MAN2A1: variants seen among roughly 807,000 people sequenced by gnomAD.
MAN2A1 encodes mannosidase alpha class 2A member 1, also known as alpha-mannosidase 2.
In MAN2A1, 76 loss-of-function variants were observed where a neutral mutation model predicts 142.6. That is an observed-to-expected ratio of 0.53 (90% CI 0.44 to 0.65). The LOEUF (loss-of-function observed/expected upper bound fraction) is 0.65, where lower values mean the gene tolerates loss of function less well. Ranked by LOEUF, MAN2A1 falls within the 30% of genes least tolerant of loss-of-function variation. The pLI is 0.00. For missense variants in MAN2A1, 1,311 were observed against 1,365.1 expected, an observed-to-expected ratio of 0.96 and a Z score of 0.62; for synonymous variants, 559 against 473.2, an observed-to-expected ratio of 1.18 and a Z score of -2.35.
chr5:109,788,057 A>G (rs1000001277), intron 10 of MAN2A1, among the ~76,000 whole-genome samples: 3 of 151,792 alleles, frequency 2.0e-5, no homozygotes, highest in Non-Finnish European at 2.9e-5. Context: ...TTGCATGACA[A>G]CAAAAATGTC....
chr5:109,767,372 A>C (rs143871377), intron 5 of MAN2A1, among the ~76,000 whole-genome samples, 163 bp from the exon 6 acceptor site: 5 of 152,164 alleles, frequency 3.3e-5, no homozygotes. Flanking sequence ...TCCTCCCTTC[A>C]TGATATCTTG....
In MAN2A1 at chr5:109,867,104, A is replaced by G. The variant is rs1417774387; in HGVS notation, c.*106A>G. On this transcript the variant is annotated 3_prime_UTR_variant, in exon 22 of 22. Transcript: ENST00000261483. ...TTTAGCTTCTGGCTACTGTGAGAAC[A>G]TGAATTCTGTGATTCTGTGGGTTTT... 5.2e-6 allele frequency: 4 copies of G among 766,942 alleles called. No individual in the cohort carries two copies. The African/African-American group carries it at 7.3e-5, about 14-fold the overall frequency. The allele number at this position is 766,942 out of a possible 1,614,324, so 47.5% of individuals were successfully genotyped here. A position where few individuals can be genotyped will look rare whatever the true frequency, so the allele number is the denominator to read the frequency against.
chr5:109,865,157 A>G lies in MAN2A1; in HGVS notation c.3282+11A>G, dbSNP rs1178735260. ...ACTACTCAGGGAAAGGTAAGTTGAA[A>G]AGGTTATTTTTGCTTACTGTTAGTG... On this transcript the variant is annotated intron_variant, in intron 21 of 21. Coordinates refer to ENST00000261483, the MANE Select transcript of MAN2A1 (RefSeq NM_002372.4). 4 of 1,596,660 alleles carry G rather than the reference A, an allele frequency of 2.5e-6. No homozygotes were observed. The highest frequency in any genetic ancestry group is 3.4e-6 in the Non-Finnish European group (4 of 1,164,270).
At chr5:109,784,687 T>A in intron 9 of MAN2A1, 57 bp from the exon 10 acceptor site, 1 of 1,361,566 alleles carries the variant, frequency 7.3e-7, no homozygotes, top group Admixed American at 2.6e-5. Context: ...TCACAAGTTT[T>A]AGATTATAAG....
chr5:109,823,806 T>G lies in MAN2A1; in HGVS notation c.2535T>G (p.Val845=), dbSNP rs1371168575. Residue 845 remains valine (V), a synonymous_variant, in exon 16 of 22, where the codon GTT becomes GTG. Transcript: ENST00000261483. The part of the protein sequence containing the change: ...YSEVTCFFDH[V]THRVRLYHIQ... ...AAGTGACTTGCTTTTTTGACCATGT[T>G]ACTCATAGAGTCCGACTATACCACA... 5 of 1,602,874 alleles carry G rather than the reference T, an allele frequency of 3.1e-6. No homozygotes were observed. Among genetic ancestry groups the G allele is most frequent in the Non-Finnish European group, 4.3e-6 (5 of 1,173,996 alleles).
intron 1 of MAN2A1, among the ~76,000 whole-genome samples, chr5:109,702,038 C>G (rs900169867): frequency 6.6e-6 from 1 of 152,136 alleles, no homozygotes; most frequent in Non-Finnish European, 1.5e-5. Flanking sequence ...GGGGACTGTG[C>G]TTAGTGAGGG....
chr5:109,751,527 G>T (rs1752547885), intron 4 of MAN2A1, among the ~76,000 whole-genome samples: 1 of 151,392 alleles, frequency 6.6e-6, no homozygotes, highest in South Asian at 2.1e-4. Flanking sequence ...GTTTTTCCCA[G>T]TAGTGGGATG....
intron 4 of MAN2A1, among the ~76,000 whole-genome samples, chr5:109,753,915 C>CT (rs112976223): frequency 0.023 from 3,306 of 144,208 alleles, 39 homozygotes; most frequent in African/African-American, 0.026. Flanking sequence ...TTTTCTTTTT[C>CT]TTTTTTTTTT....
intron 1 of MAN2A1, chr5:109,699,476 C>A (rs1404001831): frequency 6.6e-6 from 1 of 152,068 alleles, no homozygotes; most frequent in Non-Finnish European, 1.5e-5. Context: ...TAAGTGTTCT[C>A]ACCACAAAAA....
chr5:109,851,050 G>C (rs952631794), intron 19 of MAN2A1, among the ~76,000 whole-genome samples: 10 of 152,144 alleles, frequency 6.6e-5, no homozygotes, highest in African/African-American at 2.4e-4. Flanking sequence ...AGTGAAGTAG[G>C]GGGATACTCC....
At chr5:109,857,822 A>G (rs868049133) in intron 20 of MAN2A1, among the ~76,000 whole-genome samples, 32 of 152,186 alleles carry the variant, frequency 2.1e-4, no homozygotes, top group African/African-American at 7.5e-4. Flanking sequence ...TACTGCAGCC[A>G]CCTGGCTTCC....
At chr5:109,804,528 T>C (rs1288834557) in intron 12 of MAN2A1, among the ~76,000 whole-genome samples, 3 of 152,116 alleles carry the variant, frequency 2.0e-5, no homozygotes, top group Non-Finnish European at 2.9e-5. Flanking sequence ...TGTGACATTG[T>C]GTTTGCATTC....
chr5:109,840,662 A>G, intron 16 of MAN2A1: 1 of 451,874 alleles, frequency 2.2e-6, no homozygotes, highest in South Asian at 1.7e-5. Context: ...TTCAGGTTCT[A>G]CAGCAACCTT....
At position 109,867,138 on chromosome 5, in the gene MAN2A1, T is replaced by C; in HGVS notation, c.*140T>C. ...GTGATTCTGTGGGTTTTTTCTTTTT[T>C]CTTTTACCAGTACAGTAAGAAAAAA... On this transcript the variant is annotated 3_prime_UTR_variant, in exon 22 of 22. Transcript: ENST00000261483. 2 of 458,978 alleles carry C rather than the reference T, an allele frequency of 4.4e-6. No individual in the cohort carries two copies. Among genetic ancestry groups the C allele is most frequent in the Non-Finnish European group, 3.8e-6 (1 of 261,254 alleles). 28.4% of individuals were successfully genotyped at this position (458,978 alleles called of 1,614,324 possible).
intron 3 of MAN2A1, among the ~76,000 whole-genome samples, chr5:109,720,939 A>G (rs1751585655): frequency 2.0e-5 from 3 of 152,158 alleles, no homozygotes. Context: ...GATAAAGTGG[A>G]TTGTTTGATT....
chr5:109,852,413 C>G (rs1332208529), intron 19 of MAN2A1, among the ~76,000 whole-genome samples: 1 of 152,102 alleles, frequency 6.6e-6, no homozygotes, highest in Non-Finnish European at 1.5e-5. Flanking sequence ...TGTTTCAAGT[C>G]AAACTGAATA....
At chr5:109,711,016 T>A (rs1311337016) in intron 1 of MAN2A1, among the ~76,000 whole-genome samples, 1 of 152,050 alleles carries the variant, frequency 6.6e-6, no homozygotes, top group Non-Finnish European at 1.5e-5. Flanking sequence ...TTAGTAGAGA[T>A]GGGGTTTCAC....
chr5:109,838,377 G>C (rs1346960623), intron 16 of MAN2A1, among the ~76,000 whole-genome samples: 1 of 152,176 alleles, frequency 6.6e-6, no homozygotes, highest in Non-Finnish European at 1.5e-5. Flanking sequence ...AAGTCCCCCA[G>C]AGGGACTTAG....
intron 3 of MAN2A1, among the ~76,000 whole-genome samples, chr5:109,722,267 T>C (rs1261935668): frequency 6.6e-6 from 1 of 152,200 alleles, no homozygotes; most frequent in Non-Finnish European, 1.5e-5. Context: ...CTCCTATCCT[T>C]CTTTTCCTTC....
Sources: gnomAD v4.1 joint callset for allele counts (sites outside exome capture counted in the v4.1 genomes callset) on GRCh38, gnomAD v4.1.1 for gene constraint, MANE v1.5 for transcripts, NCBI Gene and HGNC (gene_info 2026-07-23, HGNC 2026-07-21) for gene names.